Variants in TTC27 observed in about 807,000 individuals in gnomAD.
TTC27 encodes tetratricopeptide repeat protein 27.
A neutral mutation model predicts 115.9 loss-of-function variants in TTC27; 79 were observed. The observed-to-expected ratio is 0.68, with a 90% CI of 0.57 to 0.82. The LOEUF (loss-of-function observed/expected upper bound fraction) is 0.82, where lower values mean the gene tolerates loss of function less well. TTC27 is among the 40% of genes least tolerant of loss of function. The pLI, the probability that TTC27 is intolerant of heterozygous loss-of-function variation, is 0.00. For synonymous variants in TTC27, 401 were observed against 356.0 expected, an observed-to-expected ratio of 1.13 and a Z score of -1.42; for missense variants, 1,054 against 993.1, an observed-to-expected ratio of 1.06 and a Z score of -0.82.
intron 9 of TTC27, among the ~76,000 whole-genome samples, chr2:32,700,964 G>A (rs12612455): frequency 0.25 from 38,482 of 151,710 alleles, 5,083 homozygotes; most frequent in South Asian, 0.42. Flanking sequence ...CTATTATGTT[G>A]GTAAATTCAT....
intron 10 of TTC27, among the ~76,000 whole-genome samples, chr2:32,728,996 T>TAC (rs35764233): frequency 1.0e-3 from 151 of 150,924 alleles, no homozygotes; most frequent in Admixed American, 1.8e-3. Flanking sequence ...CATCTTCCTA[T>TAC]ACACACACAC....
In TTC27 at chr2:32,812,581, G is replaced by A; in HGVS notation, c.2274G>A (p.Lys758=). The change falls in exon 18 of 20, where the codon AAG becomes AAA. Residue 758 remains lysine, a synonymous_variant. Coordinates refer to ENST00000317907, the MANE Select transcript of TTC27 (RefSeq NM_017735.5). The stretch of plus-strand genomic sequence containing the variant: ...GGGAGAAAGATATTACATCATTTAA[G>A]GAAGTTGTTCAAAGAGCCTTAGGAC... The part of the protein sequence containing the change: ...NCWEKDITSF[K]EVVQRALGLA... 6.2e-7 allele frequency: 1 copy of A among 1,614,028 alleles called. No individual in the cohort carries two copies. Among genetic ancestry groups the A allele is most frequent in the East Asian group, 2.2e-5 (1 of 44,870 alleles).
rs2148056328 is a variant in TTC27, at chr2:32,820,818, A to G, written c.2412A>G (p.Gln804=). Residue 804 remains glutamine, a splice_region_variant and synonymous_variant, in exon 20 of 20, where the codon CAA becomes CAG. Coordinates refer to ENST00000317907, the MANE Select transcript of TTC27 (RefSeq NM_017735.5). ...CTGCTTTGTTTTTTATATTACAGCA[A>G]CTTTTTACAGATGTGGCAACTGGAG... ...NLRGLLSKAK[Q]LFTDVATGEM... 6.5e-7 allele frequency: 1 copy of G among 1,532,092 alleles called. No individual in the cohort carries two copies. Among genetic ancestry groups the G allele is most frequent in the African/African-American group, 1.4e-5 (1 of 72,814 alleles). The allele number at this position is 1,532,092 out of a possible 1,614,324, so 94.9% of individuals were successfully genotyped here. A position where few individuals can be genotyped will look rare whatever the true frequency, so the allele number is the denominator to read the frequency against.
At chr2:32,767,898 G>A (rs1211127597) in intron 13 of TTC27, among the ~76,000 whole-genome samples, 1 of 152,096 alleles carries the variant, frequency 6.6e-6, no homozygotes, top group African/African-American at 2.4e-5. Flanking sequence ...CTAGAAAAGA[G>A]TCAATAAAAG....
chr2:32,655,857 A>T (rs893976052), intron 5 of TTC27, among the ~76,000 whole-genome samples: 6 of 152,106 alleles, frequency 3.9e-5, no homozygotes, highest in Non-Finnish European at 5.9e-5. Flanking sequence ...ACTATTCAAT[A>T]TGGTAGCCAC....
At chr2:32,756,400 G>A (rs1669234220) in intron 12 of TTC27, among the ~76,000 whole-genome samples, 1 of 152,232 alleles carries the variant, frequency 6.6e-6, no homozygotes. Context: ...GATGTTTGAA[G>A]AGAGGAATTA....
intron 19 of TTC27, among the ~76,000 whole-genome samples, chr2:32,818,410 T>C (rs995248199): frequency 3.9e-5 from 6 of 152,196 alleles, no homozygotes; most frequent in South Asian, 2.1e-4. Context: ...TAGATGGCTA[T>C]TGAGGTTTGA....
At chr2:32,771,958 C>T (rs1401483748) in intron 13 of TTC27, among the ~76,000 whole-genome samples, 1 of 152,030 alleles carries the variant, frequency 6.6e-6, no homozygotes, top group African/African-American at 2.4e-5. Context: ...AAATTCAAAA[C>T]AGTTGATCAT....
intron 9 of TTC27, among the ~76,000 whole-genome samples, chr2:32,683,991 T>TA (rs933427032): frequency 3.9e-4 from 58 of 150,586 alleles, no homozygotes; most frequent in East Asian, 2.9e-3. Flanking sequence ...CTGTCTCTGC[T>TA]AAAAAAAAAT....
At chr2:32,781,952 A>G (rs1558341159) in intron 14 of TTC27, among the ~76,000 whole-genome samples, 1 of 152,192 alleles carries the variant, frequency 6.6e-6, no homozygotes, top group Admixed American at 6.5e-5. Context: ...CAAGTCTGGA[A>G]GTGGAAGTCC....
intron 5 of TTC27, among the ~76,000 whole-genome samples, chr2:32,650,440 A>G (rs1665069586): frequency 6.7e-6 from 1 of 150,326 alleles, no homozygotes; most frequent in African/African-American, 2.4e-5. Context: ...TTTTAGTTTA[A>G]AAAAGATAAC....
intron 10 of TTC27, among the ~76,000 whole-genome samples, chr2:32,732,071 T>A (rs1370708812): frequency 1.3e-5 from 2 of 152,196 alleles, no homozygotes; most frequent in African/African-American, 2.4e-5. Flanking sequence ...CAAAAAAAAC[T>A]GAATTGATAA....
chr2:32,764,813 A>C (rs747310087), intron 13 of TTC27, among the ~76,000 whole-genome samples: 4 of 152,224 alleles, frequency 2.6e-5, no homozygotes, highest in Non-Finnish European at 4.4e-5. Context: ...ACGAGGAACA[A>C]ATTCCATCTC....
chr2:32,806,391 T>C (rs750712452), intron 16 of TTC27, among the ~76,000 whole-genome samples: 1 of 152,162 alleles, frequency 6.6e-6, no homozygotes, highest in Non-Finnish European at 1.5e-5. Context: ...TAAAGAAAGG[T>C]TATATATATG....
At chr2:32,645,922 G>A (rs1664837555) in intron 4 of TTC27, among the ~76,000 whole-genome samples, 1 of 151,754 alleles carries the variant, frequency 6.6e-6, no homozygotes, top group South Asian at 2.1e-4. Context: ...TTTTCACCAT[G>A]TTGGTCAGGC....
intron 4 of TTC27, among the ~76,000 whole-genome samples, chr2:32,646,634 G>C (rs1418201033): frequency 7.5e-6 from 1 of 134,046 alleles, no homozygotes; most frequent in African/African-American, 2.8e-5. Flanking sequence ...CGCGATCTCT[G>C]CTCACTGCAA....
chr2:32,699,247 G>A (rs1278245374), intron 9 of TTC27, among the ~76,000 whole-genome samples: 1 of 152,244 alleles, frequency 6.6e-6, no homozygotes, highest in East Asian at 1.9e-4. Context: ...ACTTAGATGA[G>A]GTGGTTGAGA....
chr2:32,680,399 A>G (rs1666377515), intron 9 of TTC27, among the ~76,000 whole-genome samples: 1 of 152,078 alleles, frequency 6.6e-6, no homozygotes. Context: ...TTTGTTCTGG[A>G]GTTTATGTCA....
chr2:32,762,838 C>T lies in TTC27; in HGVS notation c.1680+4319C>T, dbSNP rs551869675. Among the ~76,000 whole-genome samples, 23 of 152,270 alleles carry T rather than the reference C, an allele frequency of 1.5e-4. 1 individual carries two copies. The highest frequency in any genetic ancestry group is 2.6e-4 in the Admixed American group (4 of 15,298). ...TGTATTTTTAGTAGAAACGGGGTTT[C>T]GCCATGTTGGTCAGGCTGGTCTTGA... On this transcript the variant is annotated intron_variant, in intron 13 of 19. Coordinates refer to ENST00000317907, the MANE Select transcript of TTC27 (RefSeq NM_017735.5).
Sources: gnomAD v4.1 joint callset for allele counts (sites outside exome capture counted in the v4.1 genomes callset) on GRCh38, gnomAD v4.1.1 for gene constraint, MANE v1.5 for transcripts, NCBI Gene and HGNC (gene_info 2026-07-23, HGNC 2026-07-21) for gene names.